The following ATF1 variants were observed in gnomAD, a reference collection of about 807,000 sequenced individuals.
ATF1 encodes cyclic AMP-dependent transcription factor ATF-1.
Under a neutral mutation model 34.7 loss-of-function variants are expected in ATF1, and 16 were observed. The observed-to-expected ratio is 0.46, with a 90% CI of 0.31 to 0.70. ATF1 has a LOEUF of 0.70. ATF1 is among the 30% of genes least tolerant of loss of function. The probability of loss-of-function intolerance (pLI) is 0.05; values close to 1 mark genes in which losing one functional copy is unlikely to be tolerated. For synonymous variants in ATF1, 105 were observed against 113.1 expected (o/e 0.93, Z 0.46); for missense variants, 255 against 321.6 (o/e 0.79, Z 1.58).
chr12:50,780,363 A>T (rs1367668161), intron 2 of ATF1, 125 bp downstream of exon 2: 2 of 860,966 alleles, frequency 2.3e-6, no homozygotes, highest in Non-Finnish European at 3.5e-6. Flanking sequence ...TTTTTTTTCG[A>T]GGCAGATTTT....
At chr12:50,809,819 C>CTGTTTTGTTTTGTTT (rs71443204) in intron 4 of ATF1, among the ~76,000 whole-genome samples, 73 of 151,100 alleles carry the variant, frequency 4.8e-4, no homozygotes, top group Middle Eastern at 3.4e-3. Flanking sequence ...ACATTAGATA[C>CTGTTTTGTTTTGTTT]TGTTTTGTTT....
intron 1 of ATF1, among the ~76,000 whole-genome samples, chr12:50,777,703 C>T (rs558189636): frequency 1.3e-5 from 2 of 151,646 alleles, no homozygotes; most frequent in South Asian, 4.2e-4. Context: ...ATGGGTTGAG[C>T]CTGCGAGGTC....
chr12:50,813,902 G>A, intron 4 of ATF1, 108 bp from the exon 5 acceptor site: 1 of 1,029,224 alleles, frequency 9.7e-7, no homozygotes, highest in Non-Finnish European at 1.4e-6. Context: ...CCAAGTAGAA[G>A]TGCATTCATA....
At chr12:50,800,485 A>C (rs570881307) in intron 3 of ATF1, among the ~76,000 whole-genome samples, 1 of 152,316 alleles carries the variant, frequency 6.6e-6, no homozygotes, top group African/African-American at 2.4e-5. Context: ...CCCAAACCCC[A>C]GGCCGTGGAT....
chr12:50,765,156 A>G (rs1940600760), intron 1 of ATF1, among the ~76,000 whole-genome samples: 1 of 152,210 alleles, frequency 6.6e-6, no homozygotes, highest in Non-Finnish European at 1.5e-5. Flanking sequence ...TTTAGGGTTC[A>G]GAAGCTCGGC....
chr12:50,763,707 G>T (rs186933533), upstream of ATF1: 1 of 151,524 alleles, frequency 6.6e-6, no homozygotes, highest in Non-Finnish European at 1.5e-5. Flanking sequence ...CCTTCCAAGA[G>T]GACAGGGCCG....
At chr12:50,814,482 C>T in intron 6 of ATF1, 43 bp downstream of exon 6, 2 of 1,572,532 alleles carry the variant, frequency 1.3e-6, no homozygotes, top group African/African-American at 1.4e-5. Context: ...AATGTTTTTA[C>T]AAATCTCACA....
intron 6 of ATF1, among the ~76,000 whole-genome samples, chr12:50,815,848 T>C (rs1052603774): frequency 1.3e-5 from 2 of 152,186 alleles, no homozygotes; most frequent in East Asian, 1.9e-4. Flanking sequence ...TCACGCACAA[T>C]AGCTAATAGA....
At chr12:50,783,805 T>C (rs977931461) in intron 2 of ATF1, among the ~76,000 whole-genome samples, 5 of 147,878 alleles carry the variant, frequency 3.4e-5, no homozygotes, top group South Asian at 2.1e-4. Context: ...AGGTGGAGGT[T>C]GCAGTGAGCC....
At chr12:50,811,641 A>AAT (rs1941740344) in intron 4 of ATF1, among the ~76,000 whole-genome samples, 2 of 151,046 alleles carry the variant, frequency 1.3e-5, no homozygotes, top group African/African-American at 2.4e-5. Flanking sequence ...AAAAAAAAAA[A>AAT]AAAAAAAAGC....
rs139710552 is a variant in ATF1, at chr12:50,782,259, G to A, written c.93+2021G>A. ...GTTTTTTTTGTTTGTTTGTTTATTT[G>A]TTTGTTTGTTTTTTGAGACAGTGTC... On this transcript the variant is annotated intron_variant, in intron 2 of 6. Coordinates refer to ENST00000262053, the MANE Select transcript of ATF1 (RefSeq NM_005171.5). Among the ~76,000 whole-genome samples, 169 of 85,330 alleles carry A rather than the reference G, an allele frequency of 2.0e-3. 1 individual carries two copies. The highest frequency in any genetic ancestry group is 5.6e-3 in the African/African-American group (153 of 27,346). 56.0% of individuals were successfully genotyped at this position (85,330 alleles called of 152,430 possible).
intron 3 of ATF1, among the ~76,000 whole-genome samples, chr12:50,800,689 G>T (rs1270351331): frequency 6.6e-6 from 1 of 152,202 alleles, no homozygotes; most frequent in Non-Finnish European, 1.5e-5. Context: ...AATATCTGAT[G>T]ATCTGAGATG....
At chr12:50,788,997 A>G (rs779974052) in intron 2 of ATF1, among the ~76,000 whole-genome samples, 2 of 152,148 alleles carry the variant, frequency 1.3e-5, no homozygotes, top group Non-Finnish European at 2.9e-5. Context: ...CATGTGTTAG[A>G]TAAGTTTCAT....
intron 2 of ATF1, among the ~76,000 whole-genome samples, chr12:50,782,008 T>C (rs886910376): frequency 3.3e-5 from 5 of 152,020 alleles, no homozygotes; most frequent in African/African-American, 1.2e-4. Flanking sequence ...ATACACAAAG[T>C]TCAGACTGTA....
chr12:50,791,441 A>G (rs903644826), intron 2 of ATF1, among the ~76,000 whole-genome samples: 1 of 152,146 alleles, frequency 6.6e-6, no homozygotes, highest in African/African-American at 2.4e-5. Context: ...CTGTAATCCC[A>G]GCTACTCTGG....
Position 50,805,915 on chromosome 12 carries a change from C to T in ATF1, c.195-3541C>T, listed in dbSNP as rs1941606542. The stretch of plus-strand genomic sequence containing the variant: ...TCTGTAATCCCAGCACTTTGGGAGG[C>T]CCAGGTGGGCAGATCACCTGAGGTC... On this transcript the variant is annotated intron_variant, in intron 3 of 6. Coordinates refer to ENST00000262053, the MANE Select transcript of ATF1 (RefSeq NM_005171.5). 2.0e-5 allele frequency among the ~76,000 whole-genome samples: 3 copies of T among 152,260 alleles called. No homozygotes were observed. In the South Asian group the frequency reaches 6.2e-4, roughly 32 times the overall value.
Position 50,780,167 on chromosome 12 carries a change from A to T in ATF1, c.22A>T (p.Thr8Ser). The change falls in exon 2 of 7, where the codon ACC becomes TCC. Residue 8 changes from threonine to serine, a missense_variant. Transcript: ENST00000262053. MEDSHKSTTSETAPQPGS... is the reference protein window; with the variant it reads MEDSHKSSTSETAPQPGS... ...GATTATGGAAGATTCCCACAAGAGT[A>T]CCACGTCAGAGACAGCACCTCAACC... is the stretch of plus-strand genomic sequence containing the variant. The T allele has an allele frequency of 6.2e-7, 1 of 1,613,270 alleles. No individual in the cohort carries two copies. Among genetic ancestry groups the T allele is most frequent in the Non-Finnish European group, 8.5e-7 (1 of 1,179,462 alleles).
At chr12:50,775,448 A>C (rs1324683199) in intron 1 of ATF1, 1 of 151,678 alleles carries the variant, frequency 6.6e-6, no homozygotes, top group East Asian at 1.9e-4. Context: ...TGCAACCTCA[A>C]CCTCCTGGGC....
chr12:50,805,248 T>C (rs947912507), intron 3 of ATF1, among the ~76,000 whole-genome samples: 56 of 151,926 alleles, frequency 3.7e-4, no homozygotes, highest in Admixed American at 1.3e-3. Flanking sequence ...CATACTGGAA[T>C]TAGAGTAGAA....
Sources: allele counts gnomAD v4.1 joint callset (sites outside exome capture counted in the v4.1 genomes callset), GRCh38; gene constraint gnomAD v4.1.1; transcripts MANE v1.5; gene names NCBI Gene and HGNC (gene_info 2026-07-23, HGNC 2026-07-21).